CTNNA2: variants seen among roughly 807,000 people sequenced by gnomAD.
CTNNA2 encodes catenin alpha-2.
In CTNNA2, 42 loss-of-function variants were observed where a neutral mutation model predicts 101.0. That is an observed-to-expected ratio of 0.42 (90% CI 0.32 to 0.54). CTNNA2 has a LOEUF of 0.54. CTNNA2 is among the 20% of genes least tolerant of loss of function. The probability of loss-of-function intolerance (pLI) is 0.14; values close to 1 mark genes in which losing one functional copy is unlikely to be tolerated. For synonymous variants in CTNNA2, 450 were observed against 456.4 expected (o/e 0.99, Z 0.18); for missense variants, 871 against 1,223.1 (o/e 0.71, Z 4.29).
intron 10 of CTNNA2, 45 bp from the exon 11 acceptor site, chr2:80,545,862 T>G (rs763881890): frequency 5.0e-6 from 8 of 1,596,668 alleles, no homozygotes; most frequent in Non-Finnish European, 6.8e-6. Flanking sequence ...ATTCCTCTTT[T>G]GAAGTGTGTG....
chr2:79,677,362 T>C (rs1025535784), intron 2 of CTNNA2, among the ~76,000 whole-genome samples: 3 of 152,158 alleles, frequency 2.0e-5, no homozygotes, highest in African/African-American at 7.2e-5. Context: ...CTATTGCCTG[T>C]CCACTGAGTC....
chr2:79,244,811 C>T (rs1444740372), intron 2 of CTNNA2, among the ~76,000 whole-genome samples: 1 of 152,122 alleles, frequency 6.6e-6, no homozygotes, highest in Admixed American at 6.6e-5. Flanking sequence ...GTAAAGAAAT[C>T]AGGCAGTGCA....
At chr2:80,606,404 ACACACACACC>A (rs769923991) in intron 16 of CTNNA2, among the ~76,000 whole-genome samples, 3,620 of 123,898 alleles carry the variant, frequency 0.029, 57 homozygotes, top group Middle Eastern at 0.043. Context: ...ACACACACAC[ACACACACACC>A]CCCCAGGATA....
At chr2:79,202,327 G>GT (rs1344836637) in intron 2 of CTNNA2, among the ~76,000 whole-genome samples, 167 of 129,350 alleles carry the variant, frequency 1.3e-3, no homozygotes, top group African/African-American at 4.5e-3. Context: ...CCACACACTT[G>GT]TTTTTTTATT....
intron 4 of CTNNA2, among the ~76,000 whole-genome samples, chr2:79,486,745 T>C (rs1439725912): frequency 1.3e-5 from 2 of 152,214 alleles, no homozygotes; most frequent in African/African-American, 4.8e-5. Flanking sequence ...TGTTGTTTCC[T>C]GACTTTTTAA....
chr2:80,239,544 A>C (rs542576109), intron 7 of CTNNA2, among the ~76,000 whole-genome samples: 3 of 152,104 alleles, frequency 2.0e-5, no homozygotes, highest in African/African-American at 7.2e-5. Flanking sequence ...ATTTTTTTCT[A>C]TACATACCTA....
chr2:79,285,052 G>T lies in CTNNA2; in HGVS notation c.-405-27657G>T, dbSNP rs1238218023. 3.0e-4 allele frequency among the ~76,000 whole-genome samples: 43 copies of T among 143,796 alleles called. 1 individual carries two copies. In the South Asian group the frequency reaches 9.1e-3, roughly 30 times the overall value. The allele number at this position is 143,796 out of a possible 152,430, so 94.3% of individuals were successfully genotyped here. A position where few individuals can be genotyped will look rare whatever the true frequency, so the allele number is the denominator to read the frequency against. ...GATTTTCTAGTTTATTTGCGTAGAG[G>T]TGTTTGTAGTATTCTCTGATGGTAG... is the stretch of plus-strand genomic sequence containing the variant. On this transcript the variant is annotated intron_variant, in intron 2 of 21. Coordinates refer to the CTNNA2 transcript ENST00000466387.
At chr2:80,217,390 A>C (rs1708334767) in intron 7 of CTNNA2, among the ~76,000 whole-genome samples, 1 of 152,112 alleles carries the variant, frequency 6.6e-6, no homozygotes, top group Non-Finnish European at 1.5e-5. Context: ...TCTGCTACTC[A>C]GCAGCTGTGT....
intron 3 of CTNNA2, among the ~76,000 whole-genome samples, chr2:79,348,257 A>C (rs556766809): frequency 6.6e-6 from 1 of 152,276 alleles, no homozygotes; most frequent in South Asian, 2.1e-4. Context: ...TAATAATCCT[A>C]TATAGTAGGT....
chr2:80,101,985 G>A (rs575846919), intron 7 of CTNNA2, among the ~76,000 whole-genome samples: 1 of 152,218 alleles, frequency 6.6e-6, no homozygotes, highest in African/African-American at 2.4e-5. Flanking sequence ...TGCATGTGAT[G>A]TCTCATAGCT....
intron 2 of CTNNA2, among the ~76,000 whole-genome samples, chr2:79,714,322 A>T (rs1006111952): frequency 1.4e-4 from 21 of 144,888 alleles, no homozygotes; most frequent in Admixed American, 1.1e-3. Flanking sequence ...CCACAACTTT[A>T]AAAAAAAAAA....
At chr2:80,223,768 A>G (rs768499668) in intron 7 of CTNNA2, among the ~76,000 whole-genome samples, 1 of 152,122 alleles carries the variant, frequency 6.6e-6, no homozygotes, top group Non-Finnish European at 1.5e-5. Flanking sequence ...AGTTTGGAAA[A>G]TTTGATCCCA....
intron 2 of CTNNA2, among the ~76,000 whole-genome samples, chr2:79,703,435 A>G (rs1029178855): frequency 2.0e-5 from 3 of 152,164 alleles, no homozygotes; most frequent in Non-Finnish European, 4.4e-5. Context: ...GCTTACCTAT[A>G]TGGTAAGTGA....
At chr2:80,448,511 A>G (rs1159437021) in intron 9 of CTNNA2, among the ~76,000 whole-genome samples, 1 of 152,156 alleles carries the variant, frequency 6.6e-6, no homozygotes, top group African/African-American at 2.4e-5. Flanking sequence ...AGGAACTTCA[A>G]AAACTCCAAG....
At chr2:80,526,017 C>A (rs1222775354) in intron 9 of CTNNA2, among the ~76,000 whole-genome samples, 1 of 152,128 alleles carries the variant, frequency 6.6e-6, no homozygotes, top group African/African-American at 2.4e-5. Flanking sequence ...CTCTTAGCTT[C>A]TGGTTATTCA....
chr2:80,644,347 C>G (rs567191332), intron 18 of CTNNA2, among the ~76,000 whole-genome samples: 1 of 152,142 alleles, frequency 6.6e-6, no homozygotes, highest in Non-Finnish European at 1.5e-5. Flanking sequence ...AAAACTTATA[C>G]GTATTCACTT....
chr2:79,860,347 T>A (rs1681493462), intron 4 of CTNNA2, among the ~76,000 whole-genome samples: 1 of 152,062 alleles, frequency 6.6e-6, no homozygotes, highest in Admixed American at 6.5e-5. Flanking sequence ...TGAATATCCT[T>A]GCTGAACTGC....
intron 9 of CTNNA2, among the ~76,000 whole-genome samples, chr2:80,446,282 A>G (rs890582402): frequency 2.0e-5 from 3 of 152,186 alleles, no homozygotes; most frequent in Non-Finnish European, 4.4e-5. Context: ...ATTATGCCCC[A>G]GGTAAGGTTT....
intron 3 of CTNNA2, among the ~76,000 whole-genome samples, chr2:79,781,947 T>TAATGTTTTAAGGG (rs11267873): frequency 8.5e-5 from 13 of 152,048 alleles, no homozygotes; most frequent in African/African-American, 3.1e-4. Flanking sequence ...GTTTACTCAA[T>TAATGTTTTAAGGG]AATCTAAAAA....
Sources: gnomAD v4.1 joint callset for allele counts (sites outside exome capture counted in the v4.1 genomes callset) on GRCh38, gnomAD v4.1.1 for gene constraint, MANE v1.5 for transcripts, NCBI Gene and HGNC (gene_info 2026-07-23, HGNC 2026-07-21) for gene names.